The following ACAD11 variants were observed in gnomAD, a reference collection of about 807,000 sequenced individuals.
The protein encoded by ACAD11 is acyl-Coenzyme A dehydrogenase family, member 11.
A neutral mutation model predicts 102.2 loss-of-function variants in ACAD11; 83 were observed. That is an observed-to-expected ratio of 0.81 (90% CI 0.68 to 0.97). ACAD11 has a LOEUF of 0.97. Among genes scored for constraint, ACAD11 ranks in the 50% least tolerant of loss-of-function variants. ACAD11 has a pLI of 0.00. For synonymous variants in ACAD11, 324 were observed against 319.8 expected (o/e 1.01, Z -0.14); for missense variants, 901 against 951.7 (o/e 0.95, Z 0.70).
chr3:132,607,156 G>A (rs1023963173), intron 11 of ACAD11, among the ~76,000 whole-genome samples: 7 of 152,104 alleles, frequency 4.6e-5, no homozygotes, highest in African/African-American at 1.4e-4. Context: ...AAAAATCCAC[G>A]AAGATGAGGA....
chr3:132,570,403 A>C (rs967170212), intron 17 of ACAD11, among the ~76,000 whole-genome samples: 3 of 152,296 alleles, frequency 2.0e-5, no homozygotes, highest in South Asian at 2.1e-4. Context: ...ACCAGCAGAC[A>C]ATTACGGTGC....
chr3:132,651,201 A>T lies in ACAD11; in HGVS notation c.150-6305T>A, dbSNP rs901208150. On this transcript the variant is annotated intron_variant, in intron 1 of 19. Transcript: ENST00000264990. ...ACTCTTTGCTCTCCCTCCTGTGTAAATTCTTCCCTCAGCTTTGAATCTCAG... is the reference window on the plus strand; with the variant it reads ...ACTCTTTGCTCTCCCTCCTGTGTAATTTCTTCCCTCAGCTTTGAATCTCAG... Among the ~76,000 whole-genome samples, 3 of 151,906 alleles carry T rather than the reference A, an allele frequency of 2.0e-5. No individual in the cohort carries two copies. The East Asian group carries it at 5.8e-4, about 29-fold the overall frequency.
chr3:132,640,111 A>G (rs1940431874), intron 4 of ACAD11, among the ~76,000 whole-genome samples: 2 of 151,680 alleles, frequency 1.3e-5, no homozygotes, highest in African/African-American at 4.8e-5. Flanking sequence ...AAAAAAGAAG[A>G]CATTTACTTT....
At chr3:132,637,736 G>A (rs969413223) in intron 5 of ACAD11, among the ~76,000 whole-genome samples, 3 of 152,050 alleles carry the variant, frequency 2.0e-5, no homozygotes, top group African/African-American at 7.2e-5. Flanking sequence ...GCCCAAACAT[G>A]CTTTAAATAC....
intron 17 of ACAD11, among the ~76,000 whole-genome samples, chr3:132,569,617 AC>A (rs559236846): frequency 2.6e-4 from 40 of 152,340 alleles, no homozygotes; most frequent in Admixed American, 2.5e-3. Flanking sequence ...GTATATCCAG[AC>A]TAAGGAATAC....
chr3:132,639,278 T>C (rs1000895545), intron 5 of ACAD11, among the ~76,000 whole-genome samples: 23 of 152,174 alleles, frequency 1.5e-4, no homozygotes, highest in Non-Finnish European at 2.9e-4. Context: ...CAGATACCAC[T>C]TGGGATTAGA....
At chr3:132,633,415 G>A (rs1391114540) in intron 5 of ACAD11, among the ~76,000 whole-genome samples, 1 of 152,094 alleles carries the variant, frequency 6.6e-6, no homozygotes, top group African/African-American at 2.4e-5. Flanking sequence ...TGCATCCCAG[G>A]GATGAAGCCC....
chr3:132,608,569 G>A (rs1190190725), intron 11 of ACAD11, among the ~76,000 whole-genome samples: 1 of 152,084 alleles, frequency 6.6e-6, no homozygotes, highest in Non-Finnish European at 1.5e-5. Context: ...ATGGTAAAGG[G>A]ATCAATGCAA....
At position 132,659,592 on chromosome 3, in the gene ACAD11, G is replaced by A. The variant is rs1179969866; in HGVS notation, c.149+11C>T. 7 of 1,608,918 alleles carry A rather than the reference G, an allele frequency of 4.4e-6. No individual in the cohort carries two copies. In the African/African-American group the frequency reaches 8.0e-5, roughly 18 times the overall value. Reference sequence around the variant, plus strand: ...TTTTTTTCCGCTGGAGGCAAAGGCTGACATCCATACCTGTACTGGGCAATG... The same window carrying A: ...TTTTTTTCCGCTGGAGGCAAAGGCTAACATCCATACCTGTACTGGGCAATG... On this transcript the variant is annotated intron_variant, in intron 1 of 19. Transcript: ENST00000264990.
chr3:132,608,470 CAAAA>C (rs1220341254), intron 11 of ACAD11, among the ~76,000 whole-genome samples: 1 of 150,322 alleles, frequency 6.7e-6, no homozygotes, highest in Non-Finnish European at 1.5e-5. Context: ...AACAAACAAA[CAAAA>C]AAGCAGGGGT....
intron 5 of ACAD11, among the ~76,000 whole-genome samples, chr3:132,635,659 C>T (rs1312491709): frequency 6.6e-6 from 1 of 152,196 alleles, no homozygotes; most frequent in Admixed American, 6.5e-5. Flanking sequence ...GCGGGTAGCA[C>T]ATATAGTTCA....
Position 132,605,142 on chromosome 3 carries a change from T to C in ACAD11, c.1478A>G (p.Glu493Gly). The C allele has an allele frequency of 1.9e-6, 3 of 1,613,756 alleles. No homozygotes were observed. Among genetic ancestry groups the C allele is most frequent in the Non-Finnish European group, 2.5e-6 (3 of 1,179,690 alleles). The change falls in exon 12 of 20, where the codon GAG becomes GGG. Residue 493 changes from glutamate to glycine, a missense_variant. Coordinates refer to ENST00000264990, the MANE Select transcript of ACAD11 (RefSeq NM_032169.5). ...GGTAATGTTCCCTTGAAGAAGAGGCTCAAGCCACTGTTTCTTCTGTTCCTC... is the reference window on the plus strand; with the variant it reads ...GGTAATGTTCCCTTGAAGAAGAGGCCCAAGCCACTGTTTCTTCTGTTCCTC... ...GSEEQKKQWL[E>G]PLLQGNITSC...
At chr3:132,624,246 C>T (rs568690380) in intron 9 of ACAD11, among the ~76,000 whole-genome samples, 2 of 150,170 alleles carry the variant, frequency 1.3e-5, no homozygotes, top group African/African-American at 2.5e-5. Context: ...TTTGAGGCTG[C>T]AGTGAGATAG....
chr3:132,655,272 G>A (rs1285832956), intron 1 of ACAD11, among the ~76,000 whole-genome samples: 1 of 152,120 alleles, frequency 6.6e-6, no homozygotes, highest in African/African-American at 2.4e-5. Context: ...GGCCCCTTCA[G>A]TCAACTCTCA....
intron 17 of ACAD11, among the ~76,000 whole-genome samples, chr3:132,569,495 A>G (rs1937315678): frequency 6.6e-6 from 1 of 152,202 alleles, no homozygotes; most frequent in African/African-American, 2.4e-5. Flanking sequence ...ACGAAAAATT[A>G]TATTTACACA....
chr3:132,563,976 A>G (rs2107779375), intron 17 of ACAD11, among the ~76,000 whole-genome samples: 1 of 152,330 alleles, frequency 6.6e-6, no homozygotes, highest in African/African-American at 2.4e-5. Context: ...AGTTTCTATC[A>G]TAAACAGATG....
At chr3:132,633,660 T>C (rs1013399273) in intron 5 of ACAD11, among the ~76,000 whole-genome samples, 1 of 152,176 alleles carries the variant, frequency 6.6e-6, no homozygotes, top group South Asian at 2.1e-4. Flanking sequence ...TACCAGCTCC[T>C]ACAAGGCTAC....
chr3:132,615,299 A>G (rs930169057), intron 11 of ACAD11, among the ~76,000 whole-genome samples: 3 of 152,164 alleles, frequency 2.0e-5, no homozygotes, highest in African/African-American at 7.2e-5. Flanking sequence ...CAGAAATACC[A>G]TTTGACCCAC....
intron 11 of ACAD11, among the ~76,000 whole-genome samples, chr3:132,612,164 C>G (rs1202299889): frequency 2.0e-5 from 3 of 151,994 alleles, no homozygotes; most frequent in African/African-American, 4.8e-5. Flanking sequence ...GGAAAACTGG[C>G]TAGCCATATG....
Sources: gnomAD v4.1 joint callset for allele counts (sites outside exome capture counted in the v4.1 genomes callset) on GRCh38, gnomAD v4.1.1 for gene constraint, MANE v1.5 for transcripts, NCBI Gene and HGNC (gene_info 2026-07-23, HGNC 2026-07-21) for gene names.